LINGO2: variants seen among roughly 807,000 people sequenced by gnomAD.
LINGO2 encodes leucine rich repeat and Ig domain containing 2, also known as leucine-rich repeat and immunoglobulin-like domain-containing nogo receptor-interacting protein 2.
LINGO2 carries 14 observed loss-of-function variants against 30.6 expected under a neutral mutation model. The observed-to-expected ratio is 0.46, with a 90% CI of 0.30 to 0.72. The LOEUF is 0.72. Ranked by LOEUF, LINGO2 falls within the 30% of genes least tolerant of loss-of-function variation. The pLI, the probability that LINGO2 is intolerant of heterozygous loss-of-function variation, is 0.07. For missense variants in LINGO2, 729 were observed against 751.7 expected, an observed-to-expected ratio of 0.97 and a Z score of 0.35; for synonymous variants, 317 against 288.5, an observed-to-expected ratio of 1.10 and a Z score of -1.00.
At chr9:28,930,413 T>C in the LINGO2 span, among the ~76,000 whole-genome samples, 2 of 152,180 alleles carry the variant, frequency 1.3e-5, no homozygotes, top group Admixed American at 6.5e-5. This position sits in a 1 kb window ranked among gnomAD's most constrained non-coding sequence, Gnocchi z 4.2. Flanking sequence ...ATTTATTGAA[T>C]ATATTAATGA....
At chr9:28,575,986 A>T (rs1823965464) in intron 1 of LINGO2, among the ~76,000 whole-genome samples, 1 of 152,092 alleles carries the variant, frequency 6.6e-6, no homozygotes, top group Non-Finnish European at 1.5e-5. Flanking sequence ...AGACATAGAC[A>T]TGCAGATCCT....
chr9:29,101,773 T>C, the LINGO2 span, among the ~76,000 whole-genome samples: 14 of 152,336 alleles, frequency 9.2e-5, no homozygotes, highest in African/African-American at 3.4e-4. Context: ...GAATAGTATT[T>C]GTGTCTATGT....
chr9:28,635,829 T>C (rs1437119371), intron 1 of LINGO2, among the ~76,000 whole-genome samples: 2 of 152,130 alleles, frequency 1.3e-5, no homozygotes, highest in Non-Finnish European at 2.9e-5. Context: ...TGTCTGTTTG[T>C]TTGTTTTATT....
At chr9:28,763,194 A>G in the LINGO2 span, among the ~76,000 whole-genome samples, 5 of 152,158 alleles carry the variant, frequency 3.3e-5, no homozygotes, top group Admixed American at 6.5e-5. Flanking sequence ...CACTCAACCA[A>G]TGGATCTAAA....
chr9:28,747,418 C>A, the LINGO2 span, among the ~76,000 whole-genome samples: 1 of 152,024 alleles, frequency 6.6e-6, no homozygotes, highest in African/African-American at 2.4e-5. Flanking sequence ...TGACCGGATT[C>A]TTCCTGGACG....
intron 5 of LINGO2, among the ~76,000 whole-genome samples, chr9:27,984,441 G>A (rs1403231571): frequency 6.6e-6 from 1 of 151,804 alleles, no homozygotes; most frequent in Non-Finnish European, 1.5e-5. Context: ...TCTGAACACT[G>A]TCTTGTTAAG....
intron 1 of LINGO2, among the ~76,000 whole-genome samples, chr9:28,631,819 G>A (rs1826957319): frequency 1.3e-5 from 2 of 152,022 alleles, no homozygotes; most frequent in Admixed American, 6.6e-5. Flanking sequence ...AGTTCTCCAG[G>A]CACCTGTTAA....
At chr9:28,945,014 G>C in the LINGO2 span, among the ~76,000 whole-genome samples, 1 of 152,066 alleles carries the variant, frequency 6.6e-6, no homozygotes, top group African/African-American at 2.4e-5. Context: ...AACAAATATA[G>C]GCTGGTTGTT....
chr9:28,662,925 A>G (rs1395972968), intron 1 of LINGO2, among the ~76,000 whole-genome samples: 1 of 152,172 alleles, frequency 6.6e-6, no homozygotes, highest in African/African-American at 2.4e-5. Context: ...GGGAAAATGC[A>G]GCTTTCATAG....
the LINGO2 span, among the ~76,000 whole-genome samples, chr9:28,817,749 C>A: frequency 6.6e-6 from 1 of 152,124 alleles, no homozygotes; most frequent in East Asian, 1.9e-4. Context: ...AAGAGGAGTT[C>A]TCCAAGAGGA....
the LINGO2 span, among the ~76,000 whole-genome samples, chr9:28,838,034 A>T: frequency 6.6e-6 from 1 of 152,116 alleles, no homozygotes; most frequent in South Asian, 2.1e-4. Flanking sequence ...AATGTTTGAA[A>T]ATCATCAAAT....
chr9:28,710,280 G>A, the LINGO2 span, among the ~76,000 whole-genome samples: 22 of 151,886 alleles, frequency 1.4e-4, no homozygotes, highest in South Asian at 2.7e-3. Flanking sequence ...CTTACCAGAT[G>A]CCAAATCTAC....
rs1231336337 is a variant in LINGO2, at chr9:28,055,204, AC to A, written c.-86-42800del. Among the ~76,000 whole-genome samples, 3 of 152,170 alleles carry A rather than the reference AC, an allele frequency of 2.0e-5. No individual in the cohort carries two copies. The East Asian group carries it at 5.8e-4, about 29-fold the overall frequency. Reference sequence around the variant, plus strand: ...GGCTTAATTTTTTAAGTTTCTGCAGACAATTTCTTATGAACGTGAAAATAAC... The same window carrying A: ...GGCTTAATTTTTTAAGTTTCTGCAGAAATTTCTTATGAACGTGAAAATAAC... On this transcript the variant is annotated intron_variant, in intron 4 of 5. Coordinates refer to ENST00000379992, the Ensembl canonical transcript of LINGO2.
intron 2 of LINGO2, among the ~76,000 whole-genome samples, chr9:28,383,057 G>A (rs1821417041): frequency 6.6e-6 from 1 of 151,966 alleles, no homozygotes; most frequent in Non-Finnish European, 1.5e-5. Context: ...ACTGTGCTAA[G>A]CCCAATCCAG....
At chr9:29,137,671 A>T in the LINGO2 span, among the ~76,000 whole-genome samples, 2 of 152,156 alleles carry the variant, frequency 1.3e-5, no homozygotes, top group Non-Finnish European at 2.9e-5. Flanking sequence ...GCCTGCAATT[A>T]GCCTGAGGAT....
At chr9:29,116,132 A>AT in the LINGO2 span, among the ~76,000 whole-genome samples, 36,534 of 151,932 alleles carry the variant, frequency 0.24, 4,526 homozygotes, top group East Asian at 0.4. Context: ...TTTAATCATT[A>AT]TGGAGGAGTG....
chr9:28,795,548 A>G, the LINGO2 span, among the ~76,000 whole-genome samples: 1 of 151,732 alleles, frequency 6.6e-6, no homozygotes, highest in South Asian at 2.1e-4. Context: ...TTCTTTATAT[A>G]TGCATATATA....
rs148514895 is a variant in LINGO2 at position 28,138,391 on chromosome 9, C to T, written c.-86-125986G>A. Among the ~76,000 whole-genome samples, 330 of 152,222 alleles carry T rather than the reference C, an allele frequency of 2.2e-3. 1 individual carries two copies. Among genetic ancestry groups the T allele is most frequent in the African/African-American group, 7.6e-3 (316 of 41,518 alleles). On this transcript the variant is annotated intron_variant, in intron 4 of 5. Transcript: ENST00000379992. ...GGAATACGGGAGGAAAAGAAAAATG[C>T]CTTCATAAGACAACAAGTCGATGAC...
At chr9:28,562,272 T>A (rs2135555589) in intron 1 of LINGO2, among the ~76,000 whole-genome samples, 1 of 152,122 alleles carries the variant, frequency 6.6e-6, no homozygotes, top group South Asian at 2.1e-4. Context: ...TATTAGAGAT[T>A]AGAAAGCATT....
Sources: allele counts gnomAD v4.1 joint callset (sites outside exome capture counted in the v4.1 genomes callset), GRCh38; gene constraint gnomAD v4.1.1; non-coding constraint Gnocchi (gnomAD v3.1); transcripts MANE v1.5; gene names NCBI Gene and HGNC (gene_info 2026-07-23, HGNC 2026-07-21).